Variants in BMPR1B observed in about 807,000 individuals in gnomAD.
BMPR1B encodes bone morphogenetic protein receptor type-1B.
A neutral mutation model predicts 59.1 loss-of-function variants in BMPR1B; 12 were observed. The observed-to-expected ratio is 0.20, with a 90% CI of 0.13 to 0.33. The LOEUF (loss-of-function observed/expected upper bound fraction) is 0.33. BMPR1B is among the 10% of genes least tolerant of loss of function. BMPR1B has a pLI of 1.00. For synonymous variants in BMPR1B, 237 were observed against 207.3 expected (o/e 1.14, Z -1.23); for missense variants, 550 against 610.9 (o/e 0.90, Z 1.05).
At chr4:95,139,502 T>C (rs930842248) in intron 10 of BMPR1B, among the ~76,000 whole-genome samples, 1 of 152,248 alleles carries the variant, frequency 6.6e-6, no homozygotes, top group Non-Finnish European at 1.5e-5. Context: ...AGCTGTACTC[T>C]GCCCCCAGAG....
intron 6 of BMPR1B, among the ~76,000 whole-genome samples, chr4:95,121,533 TACAGAC>T: frequency 6.6e-6 from 1 of 152,182 alleles, no homozygotes; most frequent in South Asian, 2.1e-4. Flanking sequence ...CCAAAAATAA[TACAGAC>T]ACACAAATAA....
intron 2 of BMPR1B, among the ~76,000 whole-genome samples, chr4:94,984,187 G>C (rs1249130908): frequency 6.6e-6 from 1 of 152,176 alleles, no homozygotes; most frequent in African/African-American, 2.4e-5. Flanking sequence ...TATGTGGCTT[G>C]TCATCTGAAT....
At chr4:94,960,865 A>G (rs1448882129) in intron 2 of BMPR1B, among the ~76,000 whole-genome samples, 5 of 152,028 alleles carry the variant, frequency 3.3e-5, no homozygotes, top group Non-Finnish European at 5.9e-5. Context: ...TGAATTACAG[A>G]TTTGTCCTTA....
intron 1 of BMPR1B, among the ~76,000 whole-genome samples, chr4:94,777,105 T>C (rs1355427541): frequency 6.6e-6 from 1 of 152,174 alleles, no homozygotes. Flanking sequence ...TGAACATCTT[T>C]ATGAATAGGT....
chr4:95,110,530 T>G (rs998574511), intron 4 of BMPR1B, among the ~76,000 whole-genome samples: 4 of 152,104 alleles, frequency 2.6e-5, no homozygotes, highest in Admixed American at 2.0e-4. Flanking sequence ...TAGACTCATA[T>G]GTATTTCACG....
intron 2 of BMPR1B, among the ~76,000 whole-genome samples, chr4:94,900,356 A>T (rs1553916800): frequency 1.3e-5 from 2 of 149,672 alleles, no homozygotes; most frequent in South Asian, 4.2e-4. Context: ...AAAAAAAAAT[A>T]GCCTAACAGA....
At chr4:94,992,005 G>C (rs2149098674) in intron 2 of BMPR1B, among the ~76,000 whole-genome samples, 1 of 152,224 alleles carries the variant, frequency 6.6e-6, no homozygotes, top group East Asian at 1.9e-4. Context: ...GATATCTAAA[G>C]TTCATCATGT....
At chr4:94,999,012 C>G (rs989635512) in intron 3 of BMPR1B, among the ~76,000 whole-genome samples, 1 of 152,006 alleles carries the variant, frequency 6.6e-6, no homozygotes, top group African/African-American at 2.4e-5. Context: ...AACCCTTTTC[C>G]CAATCTTTGC....
intron 2 of BMPR1B, among the ~76,000 whole-genome samples, chr4:94,970,154 A>C (rs984581405): frequency 2.0e-5 from 3 of 152,094 alleles, no homozygotes; most frequent in Non-Finnish European, 4.4e-5. Flanking sequence ...CAGCATCTTA[A>C]AGTGCTAGGA....
At chr4:94,792,487 A>G (rs1438032062) in intron 1 of BMPR1B, among the ~76,000 whole-genome samples, 3 of 152,026 alleles carry the variant, frequency 2.0e-5, no homozygotes, top group Admixed American at 1.3e-4. Context: ...ACACACACAC[A>G]TACACACACG....
intron 1 of BMPR1B, among the ~76,000 whole-genome samples, chr4:94,854,644 T>TATGA (rs1169847424): frequency 6.6e-6 from 1 of 152,206 alleles, no homozygotes; most frequent in Non-Finnish European, 1.5e-5. Context: ...TTCACTCTCA[T>TATGA]GAGTCCAGCC....
intron 1 of BMPR1B, among the ~76,000 whole-genome samples, chr4:94,780,682 C>CTT (rs869117575): frequency 4.4e-3 from 359 of 82,360 alleles, no homozygotes; most frequent in Non-Finnish European, 5.1e-3. Flanking sequence ...GTATTATTGT[C>CTT]TTTTTTTTTT....
chr4:94,864,570 G>A (rs1726130305), intron 1 of BMPR1B, among the ~76,000 whole-genome samples: 1 of 152,036 alleles, frequency 6.6e-6, no homozygotes, highest in Non-Finnish European at 1.5e-5. Context: ...TTTGATAAGG[G>A]CCAAGTACTT....
Position 94,795,687 on chromosome 4 carries a change from C to T in BMPR1B, c.-183+37619C>T, listed in dbSNP as rs1333524181. Among the ~76,000 whole-genome samples the T allele has an allele frequency of 2.0e-5, 3 of 152,082 alleles. No individual in the cohort carries two copies. The East Asian group carries it at 5.8e-4, about 29-fold the overall frequency. On this transcript the variant is annotated intron_variant, in intron 1 of 12. Coordinates refer to ENST00000515059, the MANE Select transcript of BMPR1B (RefSeq NM_001203.3). ...CCATATTGGCCAGGCTGGTCTGGAA[C>T]TCCTACCCTCAAGTGATCCGCCCAC... is the stretch of plus-strand genomic sequence containing the variant.
chr4:94,945,144 C>T (rs183099792), intron 2 of BMPR1B, among the ~76,000 whole-genome samples: 1 of 152,282 alleles, frequency 6.6e-6, no homozygotes, highest in African/African-American at 2.4e-5. Context: ...TTTTCTTTAC[C>T]TCTTGCTCAG....
At chr4:94,925,939 G>T (rs977343476) in intron 2 of BMPR1B, among the ~76,000 whole-genome samples, 2 of 151,886 alleles carry the variant, frequency 1.3e-5, no homozygotes, top group Admixed American at 1.3e-4. Flanking sequence ...AAGATTACCT[G>T]CAAGGCACAC....
At chr4:94,991,775 G>A (rs967004365) in intron 2 of BMPR1B, among the ~76,000 whole-genome samples, 4 of 152,192 alleles carry the variant, frequency 2.6e-5, no homozygotes, top group Admixed American at 1.3e-4. Context: ...GTAAAATGGG[G>A]AAGCAGTACA....
intron 2 of BMPR1B, among the ~76,000 whole-genome samples, chr4:94,932,285 A>G (rs1254174336): frequency 6.6e-6 from 1 of 152,156 alleles, no homozygotes; most frequent in Non-Finnish European, 1.5e-5. Context: ...AAAACTACAC[A>G]TGGGGATACC....
intron 1 of BMPR1B, among the ~76,000 whole-genome samples, chr4:94,785,730 G>T (rs935170913): frequency 1.3e-5 from 2 of 152,098 alleles, no homozygotes; most frequent in African/African-American, 4.8e-5. Context: ...TATAAGAGTG[G>T]CAAGGCTGCA....
Sources: gnomAD v4.1 joint callset for allele counts (sites outside exome capture counted in the v4.1 genomes callset) on GRCh38, gnomAD v4.1.1 for gene constraint, MANE v1.5 for transcripts, NCBI Gene and HGNC (gene_info 2026-07-23, HGNC 2026-07-21) for gene names.